QNG1: variants seen among roughly 807,000 people sequenced by gnomAD.
The protein encoded by QNG1 is Q-nucleotide N-glycosylase 1.
At chr9:83,948,110 C>T in the QNG1 span, among the ~76,000 whole-genome samples, 6 of 150,500 alleles carry the variant, frequency 4.0e-5, no homozygotes, top group South Asian at 2.1e-4. Flanking sequence ...ATGTGGGGAG[C>T]GCCTCTGCCC....
At chr9:83,950,007 G>C in the QNG1 span, among the ~76,000 whole-genome samples, 1 of 149,782 alleles carries the variant, frequency 6.7e-6, no homozygotes, top group Non-Finnish European at 1.5e-5. Context: ...ATTTAAGGGA[G>C]GAATCAAAAA....
At chr9:83,941,610 G>A in the QNG1 span, among the ~76,000 whole-genome samples, 1 of 152,086 alleles carries the variant, frequency 6.6e-6, no homozygotes, top group Non-Finnish European at 1.5e-5. Flanking sequence ...AAGAAAGCAA[G>A]CAAGAAAAGA....
chr9:83,944,973 A>C, the QNG1 span: 1 of 1,604,908 alleles, frequency 6.2e-7, no homozygotes. Flanking sequence ...TCGTTTGTAA[A>C]AAGAAACTCT....
chr9:83,943,593 C>A, the QNG1 span, among the ~76,000 whole-genome samples: 1 of 152,096 alleles, frequency 6.6e-6, no homozygotes, highest in Non-Finnish European at 1.5e-5. Context: ...AACAGATTGC[C>A]CATGGCAGCA....
the QNG1 span, chr9:83,956,483 AT>A: frequency 1.3e-6 from 2 of 1,524,476 alleles, no homozygotes; most frequent in African/African-American, 2.8e-5. Context: ...ATTCCCTGGG[AT>A]TTAGGAGCCC....
the QNG1 span, chr9:83,953,876 T>C: frequency 2.3e-6 from 3 of 1,291,766 alleles, no homozygotes; most frequent in Non-Finnish European, 3.3e-6. Flanking sequence ...AAAATATATA[T>C]ACAGTACACT....
chr9:83,956,322 G>A, the QNG1 span: 1 of 1,613,868 alleles, frequency 6.2e-7, no homozygotes, highest in Non-Finnish European at 8.5e-7. Flanking sequence ...GGCCTCGTCG[G>A]CCGCCCTGGG....
chr9:83,948,144 G>A, the QNG1 span, among the ~76,000 whole-genome samples: 158 of 150,644 alleles, frequency 1.0e-3, no homozygotes, highest in Non-Finnish European at 1.7e-3. Flanking sequence ...GGGATGTGAG[G>A]AGCGCCTCTG....
At chr9:83,946,264 C>T in the QNG1 span, among the ~76,000 whole-genome samples, 2 of 151,882 alleles carry the variant, frequency 1.3e-5, no homozygotes, top group African/African-American at 4.8e-5. Flanking sequence ...GAGATCGCAC[C>T]ACTGCACTCC....
At chr9:83,954,642 G>A in the QNG1 span, among the ~76,000 whole-genome samples, 2 of 151,858 alleles carry the variant, frequency 1.3e-5, no homozygotes, top group African/African-American at 4.8e-5. Context: ...AGCACTTTGG[G>A]AGACCGAGGT....
the QNG1 span, chr9:83,944,766 T>C: frequency 6.5e-7 from 1 of 1,543,902 alleles, no homozygotes; most frequent in Non-Finnish European, 8.9e-7. Context: ...ATTCATAGTA[T>C]AACAAAGAAT....
the QNG1 span, among the ~76,000 whole-genome samples, chr9:83,945,400 CAAA>C: frequency 1.7e-3 from 184 of 109,940 alleles, no homozygotes; most frequent in African/African-American, 5.1e-3. Flanking sequence ...GACCCTGTCT[CAAA>C]AAAAAAAAAA....
chr9:83,943,185 C>T, the QNG1 span, among the ~76,000 whole-genome samples: 1 of 151,766 alleles, frequency 6.6e-6, no homozygotes, highest in African/African-American at 2.4e-5. Context: ...ACTCAAAATA[C>T]AAAAATTAGC....
At chr9:83,953,795 G>A in the QNG1 span, 2 of 1,548,628 alleles carry the variant, frequency 1.3e-6, no homozygotes, top group Non-Finnish European at 1.7e-6. Flanking sequence ...CAAAATCCGG[G>A]TGCAGCCTGT....
the QNG1 span, among the ~76,000 whole-genome samples, chr9:83,951,187 T>C: frequency 6.6e-6 from 1 of 152,040 alleles, no homozygotes; most frequent in Admixed American, 6.6e-5. Flanking sequence ...GGAGAATCGC[T>C]TCAACTTGGG....
At chr9:83,947,554 C>G in the QNG1 span, among the ~76,000 whole-genome samples, 1 of 152,236 alleles carries the variant, frequency 6.6e-6, no homozygotes, top group Non-Finnish European at 1.5e-5. Context: ...GGGTCTCCCT[C>G]TGATGCCGAG....
chr9:83,938,498 C>CT, the QNG1 span: 1 of 152,004 alleles, frequency 6.6e-6, no homozygotes, highest in Non-Finnish European at 1.5e-5. Context: ...AAACCTCTCT[C>CT]TTTTTTATAC....
chr9:83,956,703 C>T, the QNG1 span: 1 of 441,188 alleles, frequency 2.3e-6, no homozygotes, highest in South Asian at 6.3e-5. Context: ...ACCAGAGAGA[C>T]CCCGGGGCAG....
the QNG1 span, chr9:83,938,347 A>G: frequency 6.6e-6 from 1 of 152,204 alleles, no homozygotes; most frequent in Non-Finnish European, 1.5e-5. Context: ...TTGAATTCCA[A>G]TATAGTTACT....
Sources: allele counts gnomAD v4.1 joint callset (sites outside exome capture counted in the v4.1 genomes callset), GRCh38; gene constraint gnomAD v4.1.1; transcripts MANE v1.5; gene names NCBI Gene and HGNC (gene_info 2026-07-23, HGNC 2026-07-21).